The following ASXL2 variants were observed in gnomAD, a reference collection of about 807,000 sequenced individuals.
The protein encoded by ASXL2 is ASXL transcriptional regulator 2, also known as putative Polycomb group protein ASXL2.
Under a neutral mutation model 122.0 loss-of-function variants are expected in ASXL2, and 23 were observed. The ratio of observed to expected loss-of-function variants is 0.19; its 90% confidence interval spans 0.14 to 0.27. The LOEUF is 0.27. Ranked by LOEUF, ASXL2 falls within the 10% of genes least tolerant of loss-of-function variation. The pLI is 1.00. For missense variants in ASXL2, 1,518 were observed against 1,713.8 expected, an observed-to-expected ratio of 0.89 and a Z score of 2.02; for synonymous variants, 650 against 637.0, an observed-to-expected ratio of 1.02 and a Z score of -0.31.
intron 3 of ASXL2, among the ~76,000 whole-genome samples, chr2:25,833,726 G>C (rs950852446): frequency 5.9e-5 from 9 of 152,022 alleles, no homozygotes; most frequent in Non-Finnish European, 8.8e-5. Context: ...TTGCTTTGGG[G>C]AACTATGCCC....
At position 25,854,291 on chromosome 2, in the gene ASXL2, T is replaced by C. The variant is rs114594586; in HGVS notation, c.58-8728A>G. 3.4e-3 allele frequency among the ~76,000 whole-genome samples: 525 copies of C among 152,344 alleles called. 1 individual carries two copies. The highest frequency in any genetic ancestry group is 0.012 in the African/African-American group (485 of 41,576). On this transcript the variant is annotated intron_variant, in intron 1 of 12. Transcript: ENST00000435504. ...TAATAACACTAACAGTTAATACTTA[T>C]CTAGCATTTAACTGCCAAGCACTAT...
At chr2:25,803,925 C>T (rs2089037512) in intron 4 of ASXL2, among the ~76,000 whole-genome samples, 1 of 152,134 alleles carries the variant, frequency 6.6e-6, no homozygotes, top group South Asian at 2.1e-4. Flanking sequence ...GAAACCTCCA[C>T]ACATCTGGTG....
chr2:25,860,020 AAAAAT>A (rs1166575696), intron 1 of ASXL2, among the ~76,000 whole-genome samples: 2 of 152,114 alleles, frequency 1.3e-5, no homozygotes, highest in Non-Finnish European at 2.9e-5. Context: ...ATTGTCTCTT[AAAAAT>A]AAAATAAAAT....
intron 3 of ASXL2, among the ~76,000 whole-genome samples, chr2:25,821,610 T>C (rs1257020461): frequency 6.6e-6 from 1 of 152,190 alleles, no homozygotes; most frequent in African/African-American, 2.4e-5. Context: ...CATGAGCCAC[T>C]GCCTGGCCTG....
chr2:25,822,936 C>T (rs1204720007), intron 3 of ASXL2: 1 of 528,624 alleles, frequency 1.9e-6, no homozygotes, highest in East Asian at 5.2e-5. Flanking sequence ...TGAAAAAATG[C>T]CAGATCGGGA....
Position 25,786,230 on chromosome 2 carries a change from ACTCC to A in ASXL2, c.403+13151_403+13154del, listed in dbSNP as rs1321064616. ...AAAAAGTATCTACAAACAACCTACT[ACTCC>A]ACATCATTCTTTTTTTTTTTTTTTT... is the stretch of plus-strand genomic sequence containing the variant. On this transcript the variant is annotated intron_variant, in intron 5 of 12. Coordinates refer to ENST00000435504, the MANE Select transcript of ASXL2 (RefSeq NM_018263.6). 2.1e-4 allele frequency among the ~76,000 whole-genome samples: 25 copies of A among 119,724 alleles called. No homozygotes were observed. The Admixed American group carries it at 2.3e-3, about 11-fold the overall frequency. The allele number at this position is 119,724 out of a possible 152,430, so 78.5% of individuals were successfully genotyped here.
At chr2:25,779,586 G>A (rs141417970) in intron 5 of ASXL2, among the ~76,000 whole-genome samples, 239 of 152,278 alleles carry the variant, frequency 1.6e-3, no homozygotes, top group African/African-American at 5.5e-3. Flanking sequence ...GGGGGGAAAA[G>A]GGTTTATGTC....
intron 3 of ASXL2, 131 bp downstream of exon 3, chr2:25,835,407 C>G (rs1417722778): frequency 1.2e-5 from 2 of 168,924 alleles, no homozygotes; most frequent in Non-Finnish European, 2.6e-5. Context: ...ATCGATATTA[C>G]TTAGTTTCTG....
intron 6 of ASXL2, among the ~76,000 whole-genome samples, chr2:25,770,210 T>C (rs1445849305): frequency 6.6e-6 from 1 of 152,194 alleles, no homozygotes; most frequent in Non-Finnish European, 1.5e-5. Flanking sequence ...TATTTTTTAT[T>C]ATTTAATTTT....
chr2:25,811,049 CAAAA>C (rs1242953367), intron 3 of ASXL2, among the ~76,000 whole-genome samples: 1 of 130,316 alleles, frequency 7.7e-6, no homozygotes, highest in Non-Finnish European at 1.6e-5. Flanking sequence ...ACAAAAAATA[CAAAA>C]ATACACACAC....
chr2:25,832,747 G>C (rs2089469168), intron 3 of ASXL2, among the ~76,000 whole-genome samples: 1 of 152,160 alleles, frequency 6.6e-6, no homozygotes, highest in African/African-American at 2.4e-5. Flanking sequence ...AATGTTCATA[G>C]AAGTTTTATT....
intron 5 of ASXL2, among the ~76,000 whole-genome samples, chr2:25,795,072 T>C (rs191294421): frequency 2.6e-5 from 4 of 152,306 alleles, no homozygotes; most frequent in Admixed American, 2.6e-4. Flanking sequence ...TAGCTTGGCA[T>C]TCATTTCTTG....
At chr2:25,813,721 G>A (rs932931749) in intron 3 of ASXL2, among the ~76,000 whole-genome samples, 2 of 152,188 alleles carry the variant, frequency 1.3e-5, no homozygotes, top group Non-Finnish European at 2.9e-5. Context: ...AAAGTAAATG[G>A]CACACACATC....
chr2:25,809,090 T>G (rs1424921836), intron 3 of ASXL2, among the ~76,000 whole-genome samples: 1 of 152,188 alleles, frequency 6.6e-6, no homozygotes, highest in Non-Finnish European at 1.5e-5. Context: ...GAGAGCAGCT[T>G]CAAACCCAGA....
chr2:25,781,347 C>T (rs552804261), intron 5 of ASXL2, among the ~76,000 whole-genome samples: 5 of 151,732 alleles, frequency 3.3e-5, no homozygotes, highest in South Asian at 2.1e-4. Context: ...TGCAGTGAGC[C>T]GTGATGGTGC....
At chr2:25,768,447 G>A (rs2088389866) in intron 7 of ASXL2, among the ~76,000 whole-genome samples, 1 of 152,114 alleles carries the variant, frequency 6.6e-6, no homozygotes. Context: ...GGGGCTACAG[G>A]TGTGCCCCAC....
rs1165076953 is a variant in ASXL2, at chr2:25,856,353, C to T, written c.58-10790G>A. ...ATTACAGGCATGAGCCACTGCTCACCTGGCCTATACTTTTTTTTTTTTTTT... is the reference window on the plus strand; with the variant it reads ...ATTACAGGCATGAGCCACTGCTCACTTGGCCTATACTTTTTTTTTTTTTTT... On this transcript the variant is annotated intron_variant, in intron 1 of 12. Transcript: ENST00000435504. 7.0e-6 allele frequency: 3 copies of T among 428,464 alleles called. No individual in the cohort carries two copies. In the East Asian group the frequency reaches 1.3e-4, roughly 19 times the overall value. The allele number at this position is 428,464 out of a possible 1,614,324, so 26.5% of individuals were successfully genotyped here.
At chr2:25,775,508 C>G (rs2088532421) in intron 5 of ASXL2, among the ~76,000 whole-genome samples, 1 of 152,168 alleles carries the variant, frequency 6.6e-6, no homozygotes, top group Non-Finnish European at 1.5e-5. Flanking sequence ...AGGAAGGTGA[C>G]TGGATCATGG....
intron 3 of ASXL2, among the ~76,000 whole-genome samples, chr2:25,834,624 G>A (rs940709442): frequency 6.6e-6 from 1 of 151,994 alleles, no homozygotes; most frequent in African/African-American, 2.4e-5. Flanking sequence ...AAAATACATG[G>A]GCATGACTGT....
Sources: gnomAD v4.1 joint callset for allele counts (sites outside exome capture counted in the v4.1 genomes callset) on GRCh38, gnomAD v4.1.1 for gene constraint, MANE v1.5 for transcripts, NCBI Gene and HGNC (gene_info 2026-07-23, HGNC 2026-07-21) for gene names.